Variants in ZNF804A observed in about 807,000 individuals in gnomAD.
ZNF804A encodes the protein zinc finger protein 804A.
In ZNF804A, 2 loss-of-function variants were observed where a neutral mutation model predicts 16.5. The observed-to-expected ratio is 0.12, with a 90% CI of 0.05 to 0.38. ZNF804A has a LOEUF of 0.38. ZNF804A is among the 10% of genes least tolerant of loss of function. ZNF804A has a pLI of 0.99. For synonymous variants in ZNF804A, 534 were observed against 489.6 expected (o/e 1.09, Z -1.20); for missense variants, 1,473 against 1,390.7 (o/e 1.06, Z -0.94).
intron 1 of ZNF804A, among the ~76,000 whole-genome samples, chr2:184,840,479 T>C (rs1695419893): frequency 6.6e-6 from 1 of 152,128 alleles, no homozygotes; most frequent in Admixed American, 6.6e-5. Context: ...GTTTCCAGTG[T>C]TCAAGAAATA....
chr2:184,810,652 G>T (rs1694885195), intron 1 of ZNF804A, among the ~76,000 whole-genome samples: 2 of 151,668 alleles, frequency 1.3e-5, no homozygotes, highest in Admixed American at 6.6e-5. Context: ...CACCACGCCC[G>T]GCTAATTTTT....
intron 1 of ZNF804A, among the ~76,000 whole-genome samples, chr2:184,789,841 T>G (rs555252278): frequency 6.6e-6 from 1 of 151,966 alleles, no homozygotes; most frequent in African/African-American, 2.4e-5. Context: ...TGCTCTGACC[T>G]TTTTTTATTT....
At chr2:184,714,444 A>G (rs1432484854) in intron 1 of ZNF804A, among the ~76,000 whole-genome samples, 2 of 152,092 alleles carry the variant, frequency 1.3e-5, no homozygotes, top group African/African-American at 4.8e-5. Context: ...TTTCATTTTT[A>G]TGTTAAAATA....
intron 1 of ZNF804A, among the ~76,000 whole-genome samples, chr2:184,738,838 C>T (rs912895451): frequency 2.0e-5 from 3 of 152,152 alleles, no homozygotes; most frequent in African/African-American, 7.2e-5. Context: ...GGAAGTTGAG[C>T]TTATTCTAAT....
chr2:184,643,751 AATAT>A (rs1365893362), intron 1 of ZNF804A, among the ~76,000 whole-genome samples: 1 of 151,306 alleles, frequency 6.6e-6, no homozygotes, highest in South Asian at 2.1e-4. Flanking sequence ...GACATGTATA[AATAT>A]ATATATACAT....
chr2:184,765,986 T>C (rs1341270509), intron 1 of ZNF804A, among the ~76,000 whole-genome samples: 1 of 152,126 alleles, frequency 6.6e-6, no homozygotes, highest in African/African-American at 2.4e-5. Context: ...TGTTATTTGG[T>C]TAGAGCAGGA....
At chr2:184,762,513 A>C (rs927731820) in intron 1 of ZNF804A, among the ~76,000 whole-genome samples, 2 of 151,946 alleles carry the variant, frequency 1.3e-5, no homozygotes, top group African/African-American at 4.8e-5. Flanking sequence ...TTTAAATGGC[A>C]AATATTTGCC....
chr2:184,821,128 A>G (rs1271242343), intron 1 of ZNF804A, among the ~76,000 whole-genome samples: 1 of 152,184 alleles, frequency 6.6e-6, no homozygotes, highest in Non-Finnish European at 1.5e-5. Context: ...AAGCAAAAGA[A>G]CAAAGCTGGA....
intron 1 of ZNF804A, among the ~76,000 whole-genome samples, chr2:184,723,290 T>A (rs1693352698): frequency 6.6e-6 from 1 of 151,864 alleles, no homozygotes. Context: ...TATCACATAA[T>A]TAGCAACAGG....
chr2:184,793,800 T>C (rs534586548), intron 1 of ZNF804A, among the ~76,000 whole-genome samples: 11 of 152,238 alleles, frequency 7.2e-5, no homozygotes, highest in African/African-American at 2.4e-4. Flanking sequence ...GAGCTCCCAC[T>C]TATGAGTGAG....
chr2:184,826,135 C>T (rs1470508218), intron 1 of ZNF804A, among the ~76,000 whole-genome samples: 1 of 152,040 alleles, frequency 6.6e-6, no homozygotes, highest in Admixed American at 6.6e-5. Flanking sequence ...CCACCCACCT[C>T]GGCCTCTCAA....
intron 1 of ZNF804A, among the ~76,000 whole-genome samples, chr2:184,713,099 A>G (rs1419346128): frequency 6.6e-6 from 1 of 151,614 alleles, no homozygotes; most frequent in African/African-American, 2.4e-5. Context: ...GTGGCTTTCC[A>G]TTAGCGTCTG....
intron 2 of ZNF804A, among the ~76,000 whole-genome samples, chr2:184,932,992 G>GT (rs1246673217): frequency 6.6e-6 from 1 of 152,064 alleles, no homozygotes; most frequent in African/African-American, 2.4e-5. Flanking sequence ...AGAAGGGATT[G>GT]TTTTAAACCA....
chr2:184,625,085 T>G (rs546257579), intron 1 of ZNF804A, among the ~76,000 whole-genome samples: 2 of 152,290 alleles, frequency 1.3e-5, no homozygotes, highest in Admixed American at 1.3e-4. Context: ...TTCAGAATTA[T>G]GTCTAAAATT....
chr2:184,802,089 T>A (rs1000201094), intron 1 of ZNF804A, among the ~76,000 whole-genome samples: 4 of 152,128 alleles, frequency 2.6e-5, no homozygotes, highest in Non-Finnish European at 2.9e-5. Flanking sequence ...CTTTTATTAT[T>A]CAAGAGACCT....
chr2:184,771,622 C>T (rs1306440861), intron 1 of ZNF804A, among the ~76,000 whole-genome samples: 3 of 151,926 alleles, frequency 2.0e-5, no homozygotes, highest in African/African-American at 7.2e-5. Context: ...AAGATGTCTA[C>T]TGGCCTTTCT....
chr2:184,621,764 AAT>A (rs1691425630), intron 1 of ZNF804A, among the ~76,000 whole-genome samples: 1 of 151,780 alleles, frequency 6.6e-6, no homozygotes, highest in South Asian at 2.1e-4. Context: ...CTTATTTAAA[AAT>A]ATTTCTATAA....
chr2:184,860,543 C>T (rs1695783915), intron 1 of ZNF804A, among the ~76,000 whole-genome samples: 1 of 152,166 alleles, frequency 6.6e-6, no homozygotes, highest in Non-Finnish European at 1.5e-5. Context: ...GCACATGGGT[C>T]CACTAGGGTG....
chr2:184,627,083 A>G (rs886686145), intron 1 of ZNF804A, among the ~76,000 whole-genome samples: 1 of 152,222 alleles, frequency 6.6e-6, no homozygotes, highest in Non-Finnish European at 1.5e-5. Flanking sequence ...GTGAAACAAA[A>G]TACATGTATT....
Sources: allele counts gnomAD v4.1 joint callset (sites outside exome capture counted in the v4.1 genomes callset), GRCh38; gene constraint gnomAD v4.1.1; transcripts MANE v1.5; gene names NCBI Gene and HGNC (gene_info 2026-07-23, HGNC 2026-07-21).